Variants in NCOA2 observed in about 807,000 individuals in gnomAD.
The protein encoded by NCOA2 is class E basic helix-loop-helix protein 75.
NCOA2 carries 21 observed loss-of-function variants against 145.1 expected under a neutral mutation model. The ratio of observed to expected loss-of-function variants is 0.14; its 90% CI spans 0.10 to 0.21. The LOEUF (loss-of-function observed/expected upper bound fraction) is 0.21, where lower values mean the gene tolerates loss of function less well. Among genes scored for constraint, NCOA2 ranks in the 10% least tolerant of loss-of-function variants. The pLI is 1.00. For missense variants in NCOA2, 1,472 were observed against 1,837.6 expected, an observed-to-expected ratio of 0.80 and a Z score of 3.64; for synonymous variants, 619 against 637.5, an observed-to-expected ratio of 0.97 and a Z score of 0.44.
chr8:70,396,418 G>T (rs1462826602), intron 1 of NCOA2, among the ~76,000 whole-genome samples: 1 of 152,136 alleles, frequency 6.6e-6, no homozygotes, highest in East Asian at 1.9e-4. Context: ...GAGAATTACT[G>T]ATCTATGTTA....
At chr8:70,189,114 T>C (rs1816389472) in intron 4 of NCOA2, among the ~76,000 whole-genome samples, 1 of 152,208 alleles carries the variant, frequency 6.6e-6, no homozygotes, top group Non-Finnish European at 1.5e-5. Flanking sequence ...CTATTTCTTT[T>C]TCCTCCGGAC....
At chr8:70,306,920 A>C (rs1246536695) in intron 1 of NCOA2, among the ~76,000 whole-genome samples, 2 of 152,304 alleles carry the variant, frequency 1.3e-5, no homozygotes, top group East Asian at 3.9e-4. Flanking sequence ...AGAGAAGTTA[A>C]GCAATTTACT....
chr8:70,210,464 T>G (rs1328870285), intron 4 of NCOA2, among the ~76,000 whole-genome samples: 1 of 152,196 alleles, frequency 6.6e-6, no homozygotes. Flanking sequence ...CAAACTCTTG[T>G]GTGTACTTGC....
At chr8:70,308,154 A>G (rs1193555887) in intron 1 of NCOA2, among the ~76,000 whole-genome samples, 1 of 152,214 alleles carries the variant, frequency 6.6e-6, no homozygotes, top group Non-Finnish European at 1.5e-5. Flanking sequence ...ACTAAAAGAA[A>G]AAATGTAATC....
intron 12 of NCOA2, 39 bp downstream of exon 12, chr8:70,148,234 G>C: frequency 6.3e-7 from 1 of 1,579,922 alleles, no homozygotes; most frequent in Non-Finnish European, 8.7e-7. Flanking sequence ...GTGATTATAT[G>C]GAAATTTCTT....
At chr8:70,408,080 T>C (rs1475270536), upstream of NCOA2, among the ~76,000 whole-genome samples, 1 of 152,130 alleles carries the variant, frequency 6.6e-6, no homozygotes, top group Non-Finnish European at 1.5e-5. Flanking sequence ...AAAACAAATA[T>C]TAATACACCC....
At chr8:70,247,379 T>A (rs1385024856) in intron 2 of NCOA2, among the ~76,000 whole-genome samples, 2 of 152,220 alleles carry the variant, frequency 1.3e-5, no homozygotes, top group African/African-American at 4.8e-5. Context: ...ATTTTTAAGA[T>A]AATGTTTTAA....
intron 2 of NCOA2, chr8:70,273,435 G>A (rs1188519049): frequency 1.5e-6 from 1 of 670,822 alleles, no homozygotes; most frequent in East Asian, 3.6e-5. Context: ...GTGCCCATTG[G>A]TGGAACTGCT....
At chr8:70,240,752 G>C (rs1229152031) in intron 2 of NCOA2, among the ~76,000 whole-genome samples, 1 of 152,082 alleles carries the variant, frequency 6.6e-6, no homozygotes, top group Non-Finnish European at 1.5e-5. Context: ...ATACACATAA[G>C]GTTATGTATT....
At chr8:70,260,720 T>C (rs1288959082) in intron 2 of NCOA2, among the ~76,000 whole-genome samples, 3 of 152,348 alleles carry the variant, frequency 2.0e-5, no homozygotes, top group Middle Eastern at 3.4e-3. Flanking sequence ...ACTAAGGCTG[T>C]CAATTTGTTT....
At chr8:70,185,485 G>T (rs1016556348) in intron 4 of NCOA2, among the ~76,000 whole-genome samples, 2 of 152,192 alleles carry the variant, frequency 1.3e-5, no homozygotes, top group African/African-American at 2.4e-5. Flanking sequence ...GGAGAATGGG[G>T]CTGAGAGGAC....
chr8:70,220,880 G>C (rs1393192896), intron 2 of NCOA2, among the ~76,000 whole-genome samples: 1 of 152,156 alleles, frequency 6.6e-6, no homozygotes, highest in Non-Finnish European at 1.5e-5. Flanking sequence ...TTCAGTTAAA[G>C]AATAAGGATA....
chr8:70,125,716 T>TTTA (rs1808336374), intron 19 of NCOA2, among the ~76,000 whole-genome samples: 3 of 152,230 alleles, frequency 2.0e-5, no homozygotes, highest in African/African-American at 7.2e-5. Context: ...TTGTTTTGTC[T>TTTA]TTATAAAGAG....
At chr8:70,418,673 A>G in the NCOA2 span, among the ~76,000 whole-genome samples, 1 of 152,174 alleles carries the variant, frequency 6.6e-6, no homozygotes, top group South Asian at 2.1e-4. Context: ...AAGAAGCAGC[A>G]TTTACTCTAG....
the NCOA2 span, among the ~76,000 whole-genome samples, chr8:70,439,869 C>T: frequency 6.6e-6 from 1 of 152,194 alleles, no homozygotes; most frequent in African/African-American, 2.4e-5. Flanking sequence ...CTGGGCCTCT[C>T]GCCAACCCGT....
chr8:70,421,712 C>CTA, the NCOA2 span, among the ~76,000 whole-genome samples: 2 of 151,826 alleles, frequency 1.3e-5, no homozygotes, highest in Admixed American at 6.6e-5. Context: ...GTTCTGGTTC[C>CTA]TACTTTGCTA....
chr8:70,307,018 G>A (rs1241008635), intron 1 of NCOA2, among the ~76,000 whole-genome samples: 1 of 152,098 alleles, frequency 6.6e-6, no homozygotes, highest in Non-Finnish European at 1.5e-5. Flanking sequence ...TTCTATTACT[G>A]CTTCTTCTGC....
the NCOA2 span, among the ~76,000 whole-genome samples, chr8:70,436,629 C>G: frequency 2.6e-5 from 4 of 152,194 alleles, no homozygotes; most frequent in African/African-American, 9.7e-5. Flanking sequence ...CATAGAACTA[C>G]TAAAGGCTTT....
chr8:70,440,711 A>G, the NCOA2 span, among the ~76,000 whole-genome samples: 1 of 151,670 alleles, frequency 6.6e-6, no homozygotes, highest in African/African-American at 2.4e-5. Context: ...AAAGAAAAGA[A>G]GAAAGAAAAA....
Sources: allele counts gnomAD v4.1 joint callset (sites outside exome capture counted in the v4.1 genomes callset), GRCh38; gene constraint gnomAD v4.1.1; transcripts MANE v1.5; gene names NCBI Gene and HGNC (gene_info 2026-07-23, HGNC 2026-07-21).